Variants in ZMAT4 observed in about 807,000 individuals in gnomAD.
ZMAT4 encodes zinc finger matrin-type protein 4.
In ZMAT4, 17 loss-of-function variants were observed where a neutral mutation model predicts 28.7. The ratio of observed to expected loss-of-function variants is 0.59; its 90% CI spans 0.41 to 0.89. The LOEUF (loss-of-function observed/expected upper bound fraction) is 0.89. ZMAT4 is among the 40% of genes least tolerant of loss of function. The pLI, the probability that ZMAT4 is intolerant of heterozygous loss-of-function variation, is 0.00. For synonymous variants in ZMAT4, 117 were observed against 109.2 expected, an observed-to-expected ratio of 1.07 and a Z score of -0.44; for missense variants, 240 against 283.8, an observed-to-expected ratio of 0.85 and a Z score of 1.11.
chr8:40,534,677 C>CTT (rs34915339), intron 6 of ZMAT4, among the ~76,000 whole-genome samples: 232 of 87,324 alleles, frequency 2.7e-3, no homozygotes, highest in African/African-American at 5.1e-3. Context: ...CATTTGCTAC[C>CTT]TTTTTTTTTT....
intron 2 of ZMAT4, among the ~76,000 whole-genome samples, chr8:40,778,234 A>T (rs900376030): frequency 2.6e-5 from 4 of 152,252 alleles, no homozygotes; most frequent in African/African-American, 9.6e-5. Context: ...TGCACTTAAA[A>T]TGTGACTTTA....
At chr8:40,550,166 G>C (rs1160172202) in intron 6 of ZMAT4, among the ~76,000 whole-genome samples, 1 of 152,212 alleles carries the variant, frequency 6.6e-6, no homozygotes, top group East Asian at 1.9e-4. Context: ...CATGAATGCA[G>C]CAGGGATTTT....
chr8:40,889,571 TA>T lies in ZMAT4; in HGVS notation c.-5+8111del, dbSNP rs2150670203. 2.0e-5 allele frequency among the ~76,000 whole-genome samples: 3 copies of T among 152,354 alleles called. No homozygotes were observed. The East Asian group carries it at 5.8e-4, about 29-fold the overall frequency. On this transcript the variant is annotated intron_variant, in intron 1 of 6. Coordinates refer to ENST00000297737, the MANE Select transcript of ZMAT4 (RefSeq NM_024645.3). ...AACCACCATGAAAATTTTGATAATA[TA>T]ATATTCTGCTCTAGTTCTCAGGACT...
At position 40,625,849 on chromosome 8, in the gene ZMAT4, T is replaced by C. The variant is rs535677425; in HGVS notation, c.578-44588A>G. On this transcript the variant is annotated intron_variant, in intron 5 of 6. Transcript: ENST00000297737. Reference sequence around the variant, plus strand: ...TGGGGGGCTGGGCGCGGTGGAATCATGCCTGTAATCCCAGCACTTTGGGAG... The same window carrying C: ...TGGGGGGCTGGGCGCGGTGGAATCACGCCTGTAATCCCAGCACTTTGGGAG... 1.3e-4 allele frequency among the ~76,000 whole-genome samples: 19 copies of C among 151,958 alleles called. No homozygotes were observed. In the South Asian group the frequency reaches 3.7e-3, roughly 30 times the overall value.
intron 3 of ZMAT4, among the ~76,000 whole-genome samples, chr8:40,765,908 C>A (rs187443078): frequency 6.6e-6 from 1 of 152,060 alleles, no homozygotes; most frequent in African/African-American, 2.4e-5. Context: ...AAGTAAAAAA[C>A]GAATTCTATT....
At chr8:40,654,943 G>A (rs1273580121) in intron 5 of ZMAT4, among the ~76,000 whole-genome samples, 1 of 152,014 alleles carries the variant, frequency 6.6e-6, no homozygotes, top group East Asian at 1.9e-4. Context: ...GGAGGCTCTG[G>A]CCAGTACCGT....
chr8:40,641,590 G>A (rs546206895), intron 5 of ZMAT4, among the ~76,000 whole-genome samples: 2 of 152,238 alleles, frequency 1.3e-5, no homozygotes, highest in East Asian at 3.9e-4. Flanking sequence ...TGATGCATTT[G>A]GAGATAAATG....
chr8:40,872,935 C>G (rs140408969), intron 1 of ZMAT4, among the ~76,000 whole-genome samples: 292 of 152,250 alleles, frequency 1.9e-3, no homozygotes, highest in African/African-American at 6.6e-3. Flanking sequence ...AGGGTTCAGT[C>G]AGCTCAACCC....
chr8:40,643,213 C>G (rs1807130222), intron 5 of ZMAT4, among the ~76,000 whole-genome samples: 1 of 152,152 alleles, frequency 6.6e-6, no homozygotes, highest in Non-Finnish European at 1.5e-5. Context: ...AAGCTTTCAT[C>G]TGCCTTTTGT....
At chr8:40,768,587 C>G (rs73675703) in intron 2 of ZMAT4, among the ~76,000 whole-genome samples, 1 of 152,162 alleles carries the variant, frequency 6.6e-6, no homozygotes, top group Admixed American at 6.5e-5. Context: ...CCAGCTCTAC[C>G]ACTTCCTAGC....
intron 3 of ZMAT4, among the ~76,000 whole-genome samples, chr8:40,762,545 A>C (rs1812985677): frequency 6.6e-6 from 1 of 152,066 alleles, no homozygotes; most frequent in Non-Finnish European, 1.5e-5. Flanking sequence ...AATCCCACCT[A>C]CTTGGGAGGC....
intron 1 of ZMAT4, among the ~76,000 whole-genome samples, chr8:40,867,359 A>G (rs1338432764): frequency 6.6e-6 from 1 of 152,178 alleles, no homozygotes; most frequent in Admixed American, 6.5e-5. Flanking sequence ...TGCAGGTTGG[A>G]CAAGCTTGCC....
chr8:40,572,144 A>G (rs1291107873), intron 6 of ZMAT4, among the ~76,000 whole-genome samples: 1 of 152,074 alleles, frequency 6.6e-6, no homozygotes, highest in Non-Finnish European at 1.5e-5. Context: ...TGTCTTATTT[A>G]TTACTGTGCG....
intron 5 of ZMAT4, among the ~76,000 whole-genome samples, chr8:40,586,145 C>A (rs369362888): frequency 3.9e-5 from 6 of 152,148 alleles, no homozygotes; most frequent in African/African-American, 1.2e-4. Context: ...AGTCCTCCCC[C>A]ACGCATGACA....
At chr8:40,621,562 C>T (rs1355503671) in intron 5 of ZMAT4, among the ~76,000 whole-genome samples, 2 of 152,180 alleles carry the variant, frequency 1.3e-5, no homozygotes, top group Non-Finnish European at 2.9e-5. Flanking sequence ...CTGGGAATTT[C>T]AAGCGCAAGG....
At chr8:40,568,789 T>A (rs1804003205) in intron 6 of ZMAT4, among the ~76,000 whole-genome samples, 1 of 152,066 alleles carries the variant, frequency 6.6e-6, no homozygotes. Flanking sequence ...ACCCAGCCAG[T>A]CTCATTCCCA....
intron 2 of ZMAT4, among the ~76,000 whole-genome samples, chr8:40,775,208 A>G (rs993988542): frequency 6.6e-6 from 1 of 152,242 alleles, no homozygotes; most frequent in Non-Finnish European, 1.5e-5. Context: ...CCCTTGAAGA[A>G]TTAAGACCAT....
At chr8:40,866,026 T>C (rs1214291844) in intron 1 of ZMAT4, among the ~76,000 whole-genome samples, 2 of 152,246 alleles carry the variant, frequency 1.3e-5, no homozygotes, top group Admixed American at 1.3e-4. Context: ...GAATGTCTCC[T>C]GGCTGAAAGC....
At chr8:40,821,643 T>A (rs895405895) in intron 2 of ZMAT4, among the ~76,000 whole-genome samples, 3 of 152,200 alleles carry the variant, frequency 2.0e-5, no homozygotes, top group African/African-American at 7.2e-5. Context: ...TGTTTTGCTC[T>A]CCTACTTTGG....
Sources: gnomAD v4.1 joint callset for allele counts (sites outside exome capture counted in the v4.1 genomes callset) on GRCh38, gnomAD v4.1.1 for gene constraint, MANE v1.5 for transcripts, NCBI Gene and HGNC (gene_info 2026-07-23, HGNC 2026-07-21) for gene names.